The following USP6NL variants were observed in gnomAD, a reference collection of about 807,000 sequenced individuals.
USP6NL encodes the protein USP6 N-terminal-like protein.
A neutral mutation model predicts 61.9 loss-of-function variants in USP6NL; 26 were observed. That is an observed-to-expected ratio of 0.42 (90% CI 0.31 to 0.58). USP6NL has a LOEUF of 0.58. USP6NL is among the 20% of genes least tolerant of loss of function. The pLI is 0.16. For synonymous variants in USP6NL, 432 were observed against 390.1 expected, an observed-to-expected ratio of 1.11 and a Z score of -1.27; for missense variants, 1,114 against 1,034.3, an observed-to-expected ratio of 1.08 and a Z score of -1.06.
intron 2 of USP6NL, among the ~76,000 whole-genome samples, chr10:11,579,512 T>C (rs1036175813): frequency 6.6e-6 from 1 of 152,168 alleles, no homozygotes; most frequent in Admixed American, 6.5e-5. Context: ...TACAACACCA[T>C]TGCCTTTGTA....
In USP6NL at chr10:11,611,527, C is replaced by CGCG. The variant is rs564723504; in HGVS notation, c.-171_-169dup. ...GCCGAGCAGATCCGGCGCGGCGCGG[C>CGCG]GCGGCGGCGGCGGCGGCTACCGCAG... On this transcript the variant is annotated 5_prime_UTR_variant, in exon 1 of 15. Transcript: ENST00000609104. This position sits in a 1 kb window ranked among gnomAD's most constrained non-coding sequence, Gnocchi z 5.3. The CGCG allele has an allele frequency of 0.022, 3,564 of 159,306 alleles. 64 individuals are homozygous for CGCG. Among genetic ancestry groups the CGCG allele is most frequent in the Middle Eastern group, 0.038 (38 of 988 alleles). The allele number at this position is 159,306 out of a possible 1,614,324, so 9.9% of individuals were successfully genotyped here. A position where few individuals can be genotyped will look rare whatever the true frequency, so the allele number is the denominator to read the frequency against.
intron 2 of USP6NL, among the ~76,000 whole-genome samples, chr10:11,542,667 T>C (rs1381228027): frequency 6.6e-6 from 1 of 152,096 alleles, no homozygotes; most frequent in Non-Finnish European, 1.5e-5. Context: ...TGCAAGGAGC[T>C]GAGATCAGGC....
intron 2 of USP6NL, among the ~76,000 whole-genome samples, chr10:11,544,471 T>A (rs1836196997): frequency 6.6e-6 from 1 of 152,162 alleles, no homozygotes; most frequent in Admixed American, 6.5e-5. Context: ...TTTATAACAG[T>A]AATCTAAATT....
At chr10:11,477,099 T>C (rs1833001928) in intron 14 of USP6NL, among the ~76,000 whole-genome samples, 1 of 152,142 alleles carries the variant, frequency 6.6e-6, no homozygotes, top group South Asian at 2.1e-4. Flanking sequence ...CTTGAGCTCC[T>C]AACCTCAAGT....
chr10:11,590,157 T>C (rs1838114422), intron 2 of USP6NL, among the ~76,000 whole-genome samples: 1 of 152,204 alleles, frequency 6.6e-6, no homozygotes, highest in Non-Finnish European at 1.5e-5. Context: ...ATTTTCACTC[T>C]ATGTCCGACC....
At position 11,548,353 on chromosome 10, in the gene USP6NL, T is replaced by G. The variant is rs1447774485; in HGVS notation, c.5-20786A>C. On this transcript the variant is annotated intron_variant, in intron 2 of 14. Transcript: ENST00000609104. The surrounding 1 kb of genome is among the most constrained non-coding windows in gnomAD (Gnocchi z 4.3). The stretch of plus-strand genomic sequence containing the variant: ...CAAACAAATATCCACTTTTATTTTC[T>G]GGCTGTTAAGTCAATTTAATGGGTT... Among the ~76,000 whole-genome samples the G allele has an allele frequency of 6.6e-6, 1 of 152,234 alleles. No homozygotes were observed. Among genetic ancestry groups the G allele is most frequent in the Admixed American group, 6.5e-5 (1 of 15,282 alleles).
chr10:11,586,380 G>A (rs1239556165), intron 2 of USP6NL, among the ~76,000 whole-genome samples: 4 of 139,314 alleles, frequency 2.9e-5, no homozygotes, highest in African/African-American at 5.3e-5. Flanking sequence ...AAAAAACTGA[G>A]CCATCTTAAA....
Position 11,525,594 on chromosome 10 carries a change from G to T in USP6NL, c.73-126C>A. On this transcript the variant is annotated intron_variant, in intron 3 of 14. Transcript: ENST00000609104. The surrounding 1 kb of genome is among the most constrained non-coding windows in gnomAD (Gnocchi z 5.0). Reference sequence around the variant, plus strand: ...ACTAAAAATAAGAGCTGGAAGTGAGGCATTATGAGCCTTAACATTTTTTTT... The same window carrying T: ...ACTAAAAATAAGAGCTGGAAGTGAGTCATTATGAGCCTTAACATTTTTTTT... 2 of 797,286 alleles carry T rather than the reference G, an allele frequency of 2.5e-6. No individual in the cohort carries two copies. Among genetic ancestry groups the T allele is most frequent in the Non-Finnish European group, 3.7e-6 (2 of 541,762 alleles). The allele number at this position is 797,286 out of a possible 1,614,324, so 49.4% of individuals were successfully genotyped here.
In USP6NL at chr10:11,460,696, G is replaced by A. The variant is rs966857773; in HGVS notation, c.*1745C>T. 2.1e-5 allele frequency: 3 copies of A among 144,436 alleles called. No homozygotes were observed. Among genetic ancestry groups the A allele is most frequent in the African/African-American group, 7.6e-5 (3 of 39,368 alleles). The allele number at this position is 144,436 out of a possible 1,614,324, so 8.9% of individuals were successfully genotyped here. A position where few individuals can be genotyped will look rare whatever the true frequency, so the allele number is the denominator to read the frequency against. ...TACCACTGTTGATATATATATTTTG[G>A]AGCAGCTCAGATACTGCTATTATAA... On this transcript the variant is annotated 3_prime_UTR_variant, in exon 15 of 15. Transcript: ENST00000609104.
chr10:11,545,769 G>A (rs897315893), intron 2 of USP6NL, among the ~76,000 whole-genome samples: 2 of 152,170 alleles, frequency 1.3e-5, no homozygotes, highest in Admixed American at 6.5e-5. Flanking sequence ...TGAATGTCTT[G>A]TAGGACTTTC....
chr10:11,549,760 T>C (rs115639960), intron 2 of USP6NL, among the ~76,000 whole-genome samples: 1,722 of 152,324 alleles, frequency 0.011, 33 homozygotes, highest in African/African-American at 0.037. Context: ...TGTTTTTCCT[T>C]TACAAGTAGA....
At chr10:11,573,776 G>A (rs1262363905) in intron 2 of USP6NL, 9 of 396,904 alleles carry the variant, frequency 2.3e-5, no homozygotes, top group Non-Finnish European at 3.1e-5. Flanking sequence ...GCTCAAGCAC[G>A]AACACAGTTC....
At chr10:11,570,336 T>G (rs1198992628) in intron 2 of USP6NL, among the ~76,000 whole-genome samples, 3 of 152,212 alleles carry the variant, frequency 2.0e-5, no homozygotes, top group Non-Finnish European at 2.9e-5. Flanking sequence ...CAATATATGT[T>G]TATTGAATAA....
intron 2 of USP6NL, among the ~76,000 whole-genome samples, chr10:11,582,809 G>A (rs1837827085): frequency 7.9e-5 from 12 of 151,248 alleles, no homozygotes; most frequent in South Asian, 6.3e-4. Context: ...CACAAACACG[G>A]GAAATAAAAA....
At chr10:11,514,327 T>C (rs1834861891) in intron 5 of USP6NL, among the ~76,000 whole-genome samples, 2 of 151,824 alleles carry the variant, frequency 1.3e-5, no homozygotes, top group South Asian at 4.1e-4. Context: ...ATGACTGTGA[T>C]GGTGGTAAAA....
chr10:11,584,138 A>G (rs1001208663), intron 2 of USP6NL, among the ~76,000 whole-genome samples: 1 of 151,902 alleles, frequency 6.6e-6, no homozygotes, highest in Non-Finnish European at 1.5e-5. Context: ...TCATCACTTG[A>G]GCCCAGGAAG....
At chr10:11,516,906 C>A (rs1428176823) in intron 5 of USP6NL, among the ~76,000 whole-genome samples, 1 of 152,112 alleles carries the variant, frequency 6.6e-6, no homozygotes, top group African/African-American at 2.4e-5. Context: ...AGCATGCATC[C>A]TCCTGTGTCT....
At chr10:11,507,175 G>T (rs1443855370) in intron 6 of USP6NL, among the ~76,000 whole-genome samples, 3 of 152,072 alleles carry the variant, frequency 2.0e-5, no homozygotes, top group Non-Finnish European at 4.4e-5. Context: ...TACTTTCATA[G>T]GCATATGTAG....
Position 11,600,972 on chromosome 10 carries a change from A to C in USP6NL, c.-83-3255T>G, listed in dbSNP as rs1014243054. The stretch of plus-strand genomic sequence containing the variant: ...AACAGAGCAAGACTCTATCTCAAAG[A>C]AAAAAAAAAAGCTTATCAGGCAAAC... On this transcript the variant is annotated intron_variant, in intron 1 of 14. Transcript: ENST00000609104. The surrounding 1 kb of genome is among the most constrained non-coding windows in gnomAD (Gnocchi z 4.1). 2.0e-5 allele frequency among the ~76,000 whole-genome samples: 3 copies of C among 147,710 alleles called. No homozygotes were observed. Among genetic ancestry groups the C allele is most frequent in the African/African-American group, 5.0e-5 (2 of 40,284 alleles).
Sources: allele counts gnomAD v4.1 joint callset (sites outside exome capture counted in the v4.1 genomes callset), GRCh38; gene constraint gnomAD v4.1.1; non-coding constraint Gnocchi (gnomAD v3.1); transcripts MANE v1.5; gene names NCBI Gene and HGNC (gene_info 2026-07-23, HGNC 2026-07-21).